NBPF12: variants seen among roughly 807,000 people sequenced by gnomAD.
NBPF12 encodes the protein NBPF member 12.
NBPF12 carries 115 observed loss-of-function variants against 146.4 expected under a neutral mutation model. The observed-to-expected ratio is 0.79, with a 90% CI of 0.68 to 0.92. The LOEUF is 0.92. Ranked by LOEUF, NBPF12 falls within the 40% of genes least tolerant of loss-of-function variation. NBPF12 has a pLI of 0.00. For synonymous variants in NBPF12, 385 were observed against 508.9 expected (o/e 0.76, Z 3.28); for missense variants, 1,205 against 1,326.8 (o/e 0.91, Z 1.43).
intron 4 of NBPF12, among the ~76,000 whole-genome samples, chr1:146,960,872 G>T (rs1333614878): frequency 1.3e-5 from 2 of 152,098 alleles, no homozygotes; most frequent in East Asian, 3.9e-4. Context: ...TAGGGGCCGT[G>T]CAGCATGGCT....
At chr1:146,950,436 A>G (rs1432083158) in intron 1 of NBPF12, among the ~76,000 whole-genome samples, 1 of 151,884 alleles carries the variant, frequency 6.6e-6, no homozygotes, top group Admixed American at 6.6e-5. Context: ...AAATGAGGGA[A>G]CATGGAGGGG....
intron 1 of NBPF12, among the ~76,000 whole-genome samples, chr1:146,939,779 TGA>T (rs1654713953): frequency 6.6e-6 from 1 of 151,810 alleles, no homozygotes. Context: ...GTCAGGAGAT[TGA>T]GACCATCCTG....
intron 5 of NBPF12, 71 bp from the exon 9 acceptor site, chr1:146,963,024 C>A (rs1228059178): frequency 3.8e-6 from 6 of 1,568,834 alleles, no homozygotes; most frequent in South Asian, 1.1e-5. Context: ...TCTCAGAAAT[C>A]TCTGTTGCAA....
At chr1:146,966,324 G>C (rs1656204452) in intron 8 of NBPF12, 140 bp from the exon 12 acceptor site, 1 of 808,622 alleles carries the variant, frequency 1.2e-6, no homozygotes, top group Non-Finnish European at 2.2e-6. Flanking sequence ...ATCAAGACTG[G>C]AGATGACAAG....
At chr1:146,945,100 C>T (rs1217361892), upstream of NBPF12, among the ~76,000 whole-genome samples, 1 of 146,730 alleles carries the variant, frequency 6.8e-6, no homozygotes, top group African/African-American at 2.5e-5. Flanking sequence ...CCCTCCTTCC[C>T]TCCCTCCCTC....
At position 146,974,868 on chromosome 1, in the gene NBPF12, G is replaced by A; in HGVS notation, c.1904+27G>A. 4.8e-6 allele frequency: 6 copies of A among 1,262,050 alleles called. 1 individual carries two copies. In the South Asian group the frequency reaches 4.9e-5, roughly 10 times the overall value. The allele number at this position is 1,262,050 out of a possible 1,614,324, so 78.2% of individuals were successfully genotyped here. On this transcript the variant is annotated intron_variant, in intron 15 of 33. Transcript: ENST00000617844. ...TGAGGGGACCCCATGGGGGCAGACA[G>A]GGGGGCAGGTGTGTAAATCTCTGAA...
intron 19 of NBPF12, among the ~76,000 whole-genome samples, chr1:146,982,338 G>A (rs1383207743): frequency 6.7e-6 from 1 of 148,566 alleles, no homozygotes; most frequent in Non-Finnish European, 1.5e-5. Context: ...GTTGGAGTTT[G>A]CTGGAAGTCC....
upstream of NBPF12, among the ~76,000 whole-genome samples, chr1:146,946,433 A>G (rs1203598867): frequency 6.7e-6 from 1 of 148,858 alleles, no homozygotes; most frequent in Non-Finnish European, 1.5e-5. Flanking sequence ...CAATTCCCTC[A>G]CAAATGATTT....
At chr1:146,994,377 G>A (rs1255803808) in exon 34 of NBPF12, 7 of 1,612,352 alleles carry the variant, frequency 4.3e-6, no homozygotes, top group Middle Eastern at 2.0e-4. Context: ...AAGTCTTGCA[G>A]GACTCACTGG....
At chr1:146,955,013 TACACACACACACAC>T (rs1228510348) in intron 2 of NBPF12, among the ~76,000 whole-genome samples, 7 of 67,446 alleles carry the variant, frequency 1.0e-4, no homozygotes, top group Admixed American at 2.0e-4. Flanking sequence ...TATATATATA[TACACACACACACAC>T]ATATATATAT....
rs1229144904 is a variant in NBPF12 at position 146,970,646 on chromosome 1, G to A, written c.1307-1G>A. 3 of 1,525,012 alleles carry A rather than the reference G, an allele frequency of 2.0e-6. No homozygotes were observed. The highest frequency in any genetic ancestry group is 1.4e-5 in the African/African-American group (1 of 72,038). The allele number at this position is 1,525,012 out of a possible 1,614,324, so 94.5% of individuals were successfully genotyped here. On this transcript the variant is annotated splice_acceptor_variant, in intron 11 of 33. Transcript: ENST00000617844. LOFTEE classifies it high-confidence loss of function. ...TCTGAACGAACATTTTGTATTTATA[G>A]AAAATGATGAAGATGAGGATGAAGA...
chr1:146,949,146 C>T (rs1655213354), upstream of NBPF12, among the ~76,000 whole-genome samples: 1 of 114,128 alleles, frequency 8.8e-6, no homozygotes, highest in Non-Finnish European at 2.0e-5. Flanking sequence ...GGCATGGGTC[C>T]TCCGGCATGG....
intron 11 of NBPF12, among the ~76,000 whole-genome samples, chr1:146,970,209 G>A (rs1656501406): frequency 6.6e-6 from 1 of 150,648 alleles, no homozygotes; most frequent in African/African-American, 2.5e-5. Flanking sequence ...CACAGCAGAA[G>A]CCACATGGAG....
At chr1:146,982,299 T>C (rs1367836987) in intron 19 of NBPF12, among the ~76,000 whole-genome samples, 44 of 145,494 alleles carry the variant, frequency 3.0e-4, no homozygotes, top group Non-Finnish European at 5.5e-4. Context: ...GTTTTCCTTC[T>C]AACAGTCAGG....
intron 12 of NBPF12, 87 bp from the exon 16 acceptor site, chr1:146,971,096 C>A (rs1174584238): frequency 6.3e-7 from 1 of 1,598,002 alleles, no homozygotes; most frequent in African/African-American, 1.4e-5. Flanking sequence ...TCTCTTAATG[C>A]CGCTTGTCAA....
At chr1:146,971,133 A>G (rs1396056880) in intron 12 of NBPF12, 50 bp from the exon 16 acceptor site, 4 of 1,609,494 alleles carry the variant, frequency 2.5e-6, no homozygotes, top group Middle Eastern at 2.2e-4. Flanking sequence ...TTGGGGTCCA[A>G]TCCCTCTGTG....
At chr1:146,969,553 G>A in exon 11 of NBPF12, 3 of 1,602,030 alleles carry the variant, frequency 1.9e-6, no homozygotes, top group South Asian at 2.2e-5. Context: ...AGCTGGCTGA[G>A]GGGTGTAGAC....
chr1:146,947,987 A>C (rs1655146722), upstream of NBPF12, among the ~76,000 whole-genome samples: 1 of 151,990 alleles, frequency 6.6e-6, no homozygotes, highest in Admixed American at 6.5e-5. Flanking sequence ...ATTTGGAGTT[A>C]AGTAGTGAAC....
upstream of NBPF12, among the ~76,000 whole-genome samples, chr1:146,944,530 G>A (rs1326241260): frequency 1.3e-4 from 20 of 149,806 alleles, no homozygotes; most frequent in African/African-American, 4.7e-4. Flanking sequence ...GCGGCCTGGT[G>A]TTCTGGGATC....
Sources: allele counts gnomAD v4.1 joint callset (sites outside exome capture counted in the v4.1 genomes callset), GRCh38; gene constraint gnomAD v4.1.1; transcripts MANE v1.5; gene names NCBI Gene and HGNC (gene_info 2026-07-23, HGNC 2026-07-21).